DTNA: variants seen among roughly 807,000 people sequenced by gnomAD.
DTNA encodes the protein dystrobrevin alpha.
In DTNA, 43 loss-of-function variants were observed where a neutral mutation model predicts 100.7. The ratio of observed to expected loss-of-function variants is 0.43; its 90% confidence interval spans 0.33 to 0.55. The LOEUF is 0.55. Ranked by LOEUF, DTNA falls within the 20% of genes least tolerant of loss-of-function variation. DTNA has a pLI of 0.04. For missense variants in DTNA, 798 were observed against 953.9 expected (o/e 0.84, Z 2.15); for synonymous variants, 349 against 347.9 (o/e 1.00, Z -0.04).
intron 1 of DTNA, among the ~76,000 whole-genome samples, chr18:34,597,742 C>T (rs2050922977): frequency 6.6e-6 from 1 of 152,164 alleles, no homozygotes; most frequent in Admixed American, 6.5e-5. Context: ...ACTATTTTAG[C>T]TCTGTGCTAG....
intron 1 of DTNA, among the ~76,000 whole-genome samples, chr18:34,568,715 C>G (rs2047308053): frequency 6.6e-6 from 1 of 152,104 alleles, no homozygotes; most frequent in Non-Finnish European, 1.5e-5. Flanking sequence ...CCTCTGCCTC[C>G]CAGGTTCAAG....
At chr18:34,695,834 C>T (rs562829442) in intron 1 of DTNA, among the ~76,000 whole-genome samples, 1 of 152,132 alleles carries the variant, frequency 6.6e-6, no homozygotes, top group Non-Finnish European at 1.5e-5. Context: ...CAGCTTTTTC[C>T]ACGTGTTCCT....
chr18:34,672,947 A>G (rs748730495), intron 1 of DTNA, among the ~76,000 whole-genome samples: 26 of 150,784 alleles, frequency 1.7e-4, no homozygotes, highest in Non-Finnish European at 2.6e-4. Context: ...ATTTCCTAAA[A>G]GGAGAGTTAC....
chr18:34,721,960 A>T (rs2085430133), intron 1 of DTNA, among the ~76,000 whole-genome samples: 1 of 152,202 alleles, frequency 6.6e-6, no homozygotes, highest in African/African-American at 2.4e-5. Flanking sequence ...GATTGTCAGT[A>T]TTAGGGTTTT....
intron 1 of DTNA, among the ~76,000 whole-genome samples, chr18:34,637,238 CAGTCTG>C: frequency 1.3e-5 from 2 of 152,258 alleles, no homozygotes; most frequent in Admixed American, 1.3e-4. Flanking sequence ...GTTTCAGGGC[CAGTCTG>C]TTGCTGTCAG....
intron 1 of DTNA, among the ~76,000 whole-genome samples, chr18:34,662,387 T>C (rs1223360937): frequency 6.6e-6 from 1 of 152,132 alleles, no homozygotes; most frequent in Non-Finnish European, 1.5e-5. Context: ...TTCCCAAACA[T>C]GATATGGCAG....
intron 1 of DTNA, among the ~76,000 whole-genome samples, chr18:34,537,163 T>C (rs2043797646): frequency 6.6e-6 from 1 of 152,054 alleles, no homozygotes; most frequent in South Asian, 2.1e-4. Context: ...ATTTTTTAAA[T>C]GCTGGTTGTT....
intron 20 of DTNA, among the ~76,000 whole-genome samples, chr18:34,880,086 C>T (rs1308978172): frequency 6.6e-6 from 1 of 152,136 alleles, no homozygotes; most frequent in Non-Finnish European, 1.5e-5. Context: ...TGTATTTGCA[C>T]TTAGAGGATA....
At chr18:34,808,836 A>C (rs961897902) in intron 5 of DTNA, among the ~76,000 whole-genome samples, 2 of 152,148 alleles carry the variant, frequency 1.3e-5, no homozygotes, top group African/African-American at 4.8e-5. Flanking sequence ...AGGTAAACTA[A>C]GTTTTCTAGT....
chr18:34,828,931 C>T, intron 10 of DTNA: 1 of 1,228,118 alleles, frequency 8.1e-7, no homozygotes, highest in Non-Finnish European at 1.2e-6. Flanking sequence ...CTAGGGAAGA[C>T]CTGATGTGAT....
intron 16 of DTNA, among the ~76,000 whole-genome samples, chr18:34,860,300 C>T (rs1311077857): frequency 7.0e-6 from 1 of 143,276 alleles, no homozygotes; most frequent in East Asian, 2.0e-4. Flanking sequence ...AACTCCTGAC[C>T]TCGTGATCCA....
intron 3 of DTNA, among the ~76,000 whole-genome samples, chr18:34,776,245 G>A (rs983291830): frequency 1.5e-4 from 23 of 152,270 alleles, no homozygotes; most frequent in African/African-American, 5.5e-4. Flanking sequence ...TAACAAAGGT[G>A]GGAGAGAGAA....
intron 10 of DTNA, 127 bp from the exon 11 acceptor site, chr18:34,829,273 G>A (rs1319642130): frequency 6.6e-7 from 1 of 1,521,088 alleles, no homozygotes; most frequent in Non-Finnish European, 8.8e-7. Context: ...ACAGAGATTG[G>A]CCTACGGTTT....
At chr18:34,618,214 C>T (rs1288704466) in intron 1 of DTNA, among the ~76,000 whole-genome samples, 1 of 152,020 alleles carries the variant, frequency 6.6e-6, no homozygotes, top group Non-Finnish European at 1.5e-5. Flanking sequence ...GATCTTTTTA[C>T]CTTTAAAATA....
intron 1 of DTNA, among the ~76,000 whole-genome samples, chr18:34,603,069 A>C (rs2052295300): frequency 6.6e-6 from 1 of 151,752 alleles, no homozygotes; most frequent in Non-Finnish European, 1.5e-5. Context: ...AGAAAGAAAG[A>C]AATTTAGCTG....
At chr18:34,635,655 C>T (rs1010573173) in intron 1 of DTNA, among the ~76,000 whole-genome samples, 1 of 152,094 alleles carries the variant, frequency 6.6e-6, no homozygotes, top group Non-Finnish European at 1.5e-5. Context: ...ACAGATCTTA[C>T]GTAGGCCTTC....
At chr18:34,647,613 G>A (rs2059998752) in intron 1 of DTNA, among the ~76,000 whole-genome samples, 1 of 152,132 alleles carries the variant, frequency 6.6e-6, no homozygotes, top group South Asian at 2.1e-4. Flanking sequence ...TAAAAATGAG[G>A]AAGGCACTCA....
chr18:34,770,842 A>G (rs1842413), intron 3 of DTNA, among the ~76,000 whole-genome samples: 121,656 of 147,650 alleles, frequency 0.82, 50,429 homozygotes, highest in East Asian at 0.91. Context: ...GAGTGCAATG[A>G]TGTGATCTTG....
In DTNA at chr18:34,806,224, G is replaced by A. The variant is rs1435037181; in HGVS notation, c.368G>A (p.Gly123Asp). 4 of 1,613,686 alleles carry A rather than the reference G, an allele frequency of 2.5e-6. No individual in the cohort carries two copies. The highest frequency in any genetic ancestry group is 2.5e-6 in the Non-Finnish European group (3 of 1,179,756). Residue 123 changes from glycine to aspartate, a missense_variant, in exon 5 of 23, where the codon GGC becomes GAC. Transcript: ENST00000444659. Reference protein sequence around the residue: ...NFLLAAFDPEGHGKISVFAVK... With the variant: ...NFLLAAFDPEDHGKISVFAVK... ...TTTCTATTACCATTAAACAGGGAAG[G>A]CCATGGTAAAATTTCAGTATTTGCT... is the stretch of plus-strand genomic sequence containing the variant.
Sources: allele counts gnomAD v4.1 joint callset (sites outside exome capture counted in the v4.1 genomes callset), GRCh38; gene constraint gnomAD v4.1.1; transcripts MANE v1.5; gene names NCBI Gene and HGNC (gene_info 2026-07-23, HGNC 2026-07-21).